The following STK3 variants were observed in gnomAD, a reference collection of about 807,000 sequenced individuals.
STK3 encodes serine/threonine kinase 3.
Under a neutral mutation model 58.0 loss-of-function variants are expected in STK3, and 41 were observed. The observed-to-expected ratio is 0.71, with a 90% CI of 0.55 to 0.92. The LOEUF (loss-of-function observed/expected upper bound fraction) is 0.92, where lower values mean the gene tolerates loss of function less well. Ranked by LOEUF, STK3 falls within the 40% of genes least tolerant of loss-of-function variation. The pLI is 0.00. For synonymous variants in STK3, 170 were observed against 191.0 expected, an observed-to-expected ratio of 0.89 and a Z score of 0.91; for missense variants, 479 against 602.7, an observed-to-expected ratio of 0.79 and a Z score of 2.15.
At chr8:98,577,345 G>C (rs1162022830) in intron 8 of STK3, among the ~76,000 whole-genome samples, 1 of 151,976 alleles carries the variant, frequency 6.6e-6, no homozygotes, top group Non-Finnish European at 1.5e-5. Context: ...AAATTAGCCG[G>C]GTATAGTGGC....
intron 1 of STK3, among the ~76,000 whole-genome samples, chr8:98,802,657 C>G (rs2515216): frequency 0.71 from 107,806 of 152,082 alleles, 38,543 homozygotes; most frequent in African/African-American, 0.79. Context: ...ACACAAAAAA[C>G]AGTATTAATT....
chr8:98,384,845 C>A (rs1181494588), intron 1 of STK3, among the ~76,000 whole-genome samples: 2 of 152,160 alleles, frequency 1.3e-5, no homozygotes, highest in Non-Finnish European at 2.9e-5. Context: ...CAATAATCAG[C>A]CCCAAACCCT....
chr8:98,869,163 G>A (rs550756058), intron 3 of STK3, among the ~76,000 whole-genome samples: 73 of 152,112 alleles, frequency 4.8e-4, no homozygotes, highest in African/African-American at 1.4e-3. Context: ...GCTCTTGCCC[G>A]TAGTCCCAGC....
intron 6 of STK3, among the ~76,000 whole-genome samples, chr8:98,670,501 A>G (rs1822747259): frequency 6.6e-6 from 1 of 152,252 alleles, no homozygotes; most frequent in South Asian, 2.1e-4. Context: ...CTAAATATTA[A>G]GTCAATCAAC....
chr8:98,645,763 A>G (rs1354395971), intron 6 of STK3, among the ~76,000 whole-genome samples: 3 of 152,086 alleles, frequency 2.0e-5, no homozygotes, highest in Non-Finnish European at 4.4e-5. Flanking sequence ...TGATTTTACA[A>G]AACACTTTCA....
chr8:98,621,294 T>C (rs189226144), intron 6 of STK3, among the ~76,000 whole-genome samples: 3 of 152,342 alleles, frequency 2.0e-5, no homozygotes, highest in Non-Finnish European at 4.4e-5. Flanking sequence ...TACTCATTAA[T>C]TCTATGAGTT....
chr8:98,809,801 G>A (rs1254503037), intron 1 of STK3, among the ~76,000 whole-genome samples: 1 of 152,132 alleles, frequency 6.6e-6, no homozygotes, highest in East Asian at 1.9e-4. Flanking sequence ...TATGAATATA[G>A]GCACACAAAT....
At chr8:98,500,126 A>C (rs1363972329) in intron 10 of STK3, among the ~76,000 whole-genome samples, 1 of 151,936 alleles carries the variant, frequency 6.6e-6, no homozygotes, top group Non-Finnish European at 1.5e-5. Flanking sequence ...GTGTCCTTAG[A>C]AGAGGGGAGG....
intron 1 of STK3, chr8:98,437,834 G>A (rs1445628067): frequency 6.6e-6 from 1 of 152,138 alleles, no homozygotes; most frequent in Non-Finnish European, 1.5e-5. Context: ...TTCTTTTTGT[G>A]GGAATGTGGG....
intron 1 of STK3, among the ~76,000 whole-genome samples, chr8:98,801,171 T>C (rs1389114902): frequency 6.6e-6 from 1 of 152,176 alleles, no homozygotes; most frequent in African/African-American, 2.4e-5. Flanking sequence ...TGTGTCTAGC[T>C]AGAGGATTGT....
intron 8 of STK3, among the ~76,000 whole-genome samples, chr8:98,560,353 T>C (rs1424431230): frequency 6.6e-6 from 1 of 152,054 alleles, no homozygotes; most frequent in Non-Finnish European, 1.5e-5. Context: ...TAAAAATTAG[T>C]GTGTGTGGCA....
At chr8:98,618,848 A>G (rs1389325228) in intron 6 of STK3, among the ~76,000 whole-genome samples, 127 of 150,266 alleles carry the variant, frequency 8.5e-4, no homozygotes, top group African/African-American at 3.0e-3. Context: ...TTCCATGCTC[A>G]TGGGTAGGAA....
At chr8:98,440,058 A>G (rs976832217) in intron 1 of STK3, among the ~76,000 whole-genome samples, 1 of 152,214 alleles carries the variant, frequency 6.6e-6, no homozygotes, top group African/African-American at 2.4e-5. Context: ...TCCTGGGGGC[A>G]GGACCAGGGA....
intron 10 of STK3, among the ~76,000 whole-genome samples, chr8:98,462,371 T>C (rs1029678565): frequency 6.6e-6 from 1 of 152,184 alleles, no homozygotes; most frequent in Admixed American, 6.5e-5. Flanking sequence ...TTTCTACTCA[T>C]GCTGTTTTCC....
chr8:98,888,241 C>A (rs1274958598), intron 1 of STK3, among the ~76,000 whole-genome samples: 1 of 152,152 alleles, frequency 6.6e-6, no homozygotes, highest in African/African-American at 2.4e-5. Context: ...ATCGCTTGAA[C>A]CTGGGAGGCG....
At chr8:98,868,135 C>A (rs1270015209) in intron 3 of STK3, among the ~76,000 whole-genome samples, 1 of 152,182 alleles carries the variant, frequency 6.6e-6, no homozygotes, top group Non-Finnish European at 1.5e-5. Context: ...CACACCTACA[C>A]CTCCAATGTA....
At chr8:98,851,294 G>T (rs1034052411) in intron 3 of STK3, among the ~76,000 whole-genome samples, 2 of 152,192 alleles carry the variant, frequency 1.3e-5, no homozygotes, top group African/African-American at 4.8e-5. Flanking sequence ...AATGTCGAAT[G>T]AACTGAAGCC....
chr8:98,420,265 G>T (rs1339077943), intron 3 of STK3, among the ~76,000 whole-genome samples: 1 of 152,146 alleles, frequency 6.6e-6, no homozygotes, highest in Non-Finnish European at 1.5e-5. Context: ...CCACCCCTTA[G>T]TCACTTAGCA....
intron 1 of STK3, among the ~76,000 whole-genome samples, chr8:98,820,365 G>A (rs1046142042): frequency 1.3e-5 from 2 of 152,068 alleles, no homozygotes; most frequent in Non-Finnish European, 2.9e-5. Flanking sequence ...TGTTTTCATT[G>A]TTCAATGCTA....
Sources: allele counts gnomAD v4.1 joint callset (sites outside exome capture counted in the v4.1 genomes callset), GRCh38; gene constraint gnomAD v4.1.1; transcripts MANE v1.5; gene names NCBI Gene and HGNC (gene_info 2026-07-23, HGNC 2026-07-21).